NAALADL2: variants seen among roughly 807,000 people sequenced by gnomAD.
The protein encoded by NAALADL2 is inactive N-acetylated-alpha-linked acidic dipeptidase-like protein 2.
In NAALADL2, 76 loss-of-function variants were observed where a neutral mutation model predicts 87.2. The observed-to-expected ratio is 0.87, with a 90% CI of 0.72 to 1.05. The LOEUF (loss-of-function observed/expected upper bound fraction) is 1.05. Among genes scored for constraint, NAALADL2 ranks in the 50% least tolerant of loss-of-function variants. The probability of loss-of-function intolerance (pLI) is 0.00; values close to 1 mark genes in which losing one functional copy is unlikely to be tolerated. For missense variants in NAALADL2, 1,089 were observed against 945.8 expected, an observed-to-expected ratio of 1.15 and a Z score of -1.99; for synonymous variants, 354 against 331.0, an observed-to-expected ratio of 1.07 and a Z score of -0.75.
intron 1 of NAALADL2, among the ~76,000 whole-genome samples, chr3:175,037,077 C>G (rs1283629159): frequency 6.6e-6 from 1 of 152,008 alleles, no homozygotes; most frequent in Non-Finnish European, 1.5e-5. Flanking sequence ...ACGTTTCTCA[C>G]CCATGAAGTC....
chr3:174,876,923 AT>A (rs1203915697), intron 1 of NAALADL2, among the ~76,000 whole-genome samples: 1 of 152,160 alleles, frequency 6.6e-6, no homozygotes, highest in East Asian at 1.9e-4. Context: ...GCAAATGTAG[AT>A]TTGGTGAGGG....
chr3:175,441,628 G>T (rs939210896), intron 5 of NAALADL2, among the ~76,000 whole-genome samples: 3 of 151,422 alleles, frequency 2.0e-5, no homozygotes, highest in Non-Finnish European at 4.4e-5. Flanking sequence ...CATTGAATAG[G>T]AAGGATCTGT....
At chr3:174,784,146 T>G (rs572567789) in intron 3 of NAALADL2, among the ~76,000 whole-genome samples, 7 of 152,296 alleles carry the variant, frequency 4.6e-5, no homozygotes, top group African/African-American at 1.2e-4. Flanking sequence ...GCAACACGTA[T>G]TTTTTACTTA....
chr3:175,354,742 C>T (rs1312064029), intron 5 of NAALADL2, among the ~76,000 whole-genome samples: 1 of 151,862 alleles, frequency 6.6e-6, no homozygotes, highest in Non-Finnish European at 1.5e-5. Context: ...TAGCCTCTAA[C>T]TCTGGGTCTC....
intron 4 of NAALADL2, among the ~76,000 whole-genome samples, chr3:175,292,639 G>A (rs998224818): frequency 7.1e-6 from 1 of 140,668 alleles, no homozygotes; most frequent in African/African-American, 2.5e-5. Context: ...GGGATTCTAG[G>A]TTTACCATAT....
intron 1 of NAALADL2, among the ~76,000 whole-genome samples, chr3:175,080,788 T>C (rs1169554859): frequency 6.6e-6 from 1 of 152,258 alleles, no homozygotes; most frequent in Non-Finnish European, 1.5e-5. Flanking sequence ...ATATCTTCTA[T>C]GCAGTAAATC....
At chr3:175,635,914 G>C (rs1269510077) in intron 11 of NAALADL2, among the ~76,000 whole-genome samples, 3 of 151,982 alleles carry the variant, frequency 2.0e-5, no homozygotes, top group Non-Finnish European at 4.4e-5. Context: ...ATAATAAAAA[G>C]ATTTAAAAGC....
chr3:174,923,117 G>T (rs1421947695), intron 1 of NAALADL2, among the ~76,000 whole-genome samples: 1 of 152,134 alleles, frequency 6.6e-6, no homozygotes, highest in Non-Finnish European at 1.5e-5. Flanking sequence ...AATACAAGAT[G>T]AGCCTGAAAT....
At chr3:174,444,496 T>G (rs969771767) in intron 1 of NAALADL2, among the ~76,000 whole-genome samples, 5 of 152,146 alleles carry the variant, frequency 3.3e-5, no homozygotes, top group African/African-American at 9.7e-5. Flanking sequence ...ATTTCTGCCT[T>G]GAGCTTTGCT....
At chr3:175,003,528 C>T (rs1748534207) in intron 1 of NAALADL2, among the ~76,000 whole-genome samples, 1 of 152,144 alleles carries the variant, frequency 6.6e-6, no homozygotes. Context: ...TTGTATAATA[C>T]ATGCCACGTA....
At chr3:175,225,301 T>C (rs558208349) in intron 2 of NAALADL2, among the ~76,000 whole-genome samples, 4 of 152,118 alleles carry the variant, frequency 2.6e-5, no homozygotes, top group Non-Finnish European at 5.9e-5. Flanking sequence ...CTAAAATAAG[T>C]ATATAACATC....
chr3:175,303,720 A>G lies in NAALADL2; in HGVS notation c.940-20455A>G, dbSNP rs549963952. On this transcript the variant is annotated intron_variant, in intron 4 of 13. Transcript: ENST00000454872. ...TAGGGAGCATACTACCAGAGAAACT[A>G]AATAATAACCATGATTCTCATATTT... 3.9e-5 allele frequency among the ~76,000 whole-genome samples: 6 copies of G among 152,342 alleles called. No homozygotes were observed. In the East Asian group the frequency reaches 9.6e-4, roughly 24 times the overall value.
At chr3:175,717,804 T>C (rs1365761358) in intron 11 of NAALADL2, among the ~76,000 whole-genome samples, 4 of 97,400 alleles carry the variant, frequency 4.1e-5, no homozygotes, top group Non-Finnish European at 7.0e-5. Flanking sequence ...AGAGAGCAGA[T>C]TTTTTTTTTT....
At chr3:175,633,397 T>C (rs961212716) in intron 11 of NAALADL2, among the ~76,000 whole-genome samples, 3 of 152,108 alleles carry the variant, frequency 2.0e-5, no homozygotes, top group Admixed American at 1.3e-4. Flanking sequence ...AAATACTCAA[T>C]TAATGATCAT....
chr3:174,777,300 C>T (rs1035271438), intron 3 of NAALADL2, among the ~76,000 whole-genome samples: 1 of 151,980 alleles, frequency 6.6e-6, no homozygotes, highest in Non-Finnish European at 1.5e-5. Flanking sequence ...CTTTTGCCAC[C>T]AAGTGTCCTT....
intron 1 of NAALADL2, among the ~76,000 whole-genome samples, chr3:174,967,371 CAAA>C (rs58590340): frequency 3.1e-4 from 39 of 126,288 alleles, no homozygotes; most frequent in Non-Finnish European, 2.9e-4. Context: ...TGGTGGATTG[CAAA>C]AAAAAAAAAA....
At chr3:175,255,637 A>G (rs1487451579) in intron 3 of NAALADL2, among the ~76,000 whole-genome samples, 4 of 152,224 alleles carry the variant, frequency 2.6e-5, no homozygotes, top group Non-Finnish European at 5.9e-5. Flanking sequence ...ATGAATCTGC[A>G]GTTCAGTGCT....
At chr3:174,848,233 T>G (rs1579188688) in intron 3 of NAALADL2, among the ~76,000 whole-genome samples, 1 of 152,138 alleles carries the variant, frequency 6.6e-6, no homozygotes, top group Middle Eastern at 3.2e-3. Context: ...GAAAACCACT[T>G]TATAATTTTT....
At chr3:175,316,815 C>T (rs1409773440) in intron 4 of NAALADL2, among the ~76,000 whole-genome samples, 1 of 152,202 alleles carries the variant, frequency 6.6e-6, no homozygotes, top group Non-Finnish European at 1.5e-5. Context: ...AGGAACACTT[C>T]TCATTTGGTT....
Sources: gnomAD v4.1 joint callset for allele counts (sites outside exome capture counted in the v4.1 genomes callset) on GRCh38, gnomAD v4.1.1 for gene constraint, MANE v1.5 for transcripts, NCBI Gene and HGNC (gene_info 2026-07-23, HGNC 2026-07-21) for gene names.